The following GABRG3 variants were observed in gnomAD, a reference collection of about 807,000 sequenced individuals.
GABRG3 encodes gamma-aminobutyric acid receptor subunit gamma-3.
A neutral mutation model predicts 48.8 loss-of-function variants in GABRG3; 25 were observed. That is an observed-to-expected ratio of 0.51 (90% confidence interval 0.37 to 0.72). The LOEUF (loss-of-function observed/expected upper bound fraction) is 0.72. Ranked by LOEUF, GABRG3 falls within the 30% of genes least tolerant of loss-of-function variation. GABRG3 has a pLI of 0.00. For synonymous variants in GABRG3, 227 were observed against 217.6 expected (o/e 1.04, Z -0.38); for missense variants, 394 against 577.9 (o/e 0.68, Z 3.26).
intron 3 of GABRG3, among the ~76,000 whole-genome samples, chr15:27,212,392 G>C (rs564528526): frequency 2.2e-4 from 33 of 152,308 alleles, no homozygotes; most frequent in Non-Finnish European, 4.6e-4. Flanking sequence ...GATAGTTGAA[G>C]TCTTGGCTTT....
intron 6 of GABRG3, chr15:27,481,338 T>C: frequency 1.2e-6 from 1 of 826,718 alleles, no homozygotes. Flanking sequence ...TGCCTATGAA[T>C]ATATGTGAAT....
At chr15:27,338,958 C>G (rs1159301372) in intron 5 of GABRG3, among the ~76,000 whole-genome samples, 2 of 152,164 alleles carry the variant, frequency 1.3e-5, no homozygotes, top group African/African-American at 2.4e-5. Flanking sequence ...TCAAAATCTC[C>G]TTGTCTTCTG....
intron 5 of GABRG3, among the ~76,000 whole-genome samples, chr15:27,426,454 A>T (rs1173632185): frequency 1.3e-5 from 2 of 152,196 alleles, no homozygotes; most frequent in East Asian, 3.8e-4. Context: ...GACAACCTCT[A>T]ACTCAGCCAA....
intron 6 of GABRG3, among the ~76,000 whole-genome samples, chr15:27,492,223 T>G (rs531969520): frequency 1.3e-5 from 2 of 152,280 alleles, no homozygotes; most frequent in African/African-American, 4.8e-5. Flanking sequence ...CAGACTTGGC[T>G]TAGAATTCAT....
At chr15:27,468,344 C>T (rs992162803) in intron 5 of GABRG3, among the ~76,000 whole-genome samples, 1 of 152,042 alleles carries the variant, frequency 6.6e-6, no homozygotes, top group Non-Finnish European at 1.5e-5. Context: ...AACGTGGAGA[C>T]TTCTCAGAAC....
chr15:27,347,463 CT>C (rs1359295684), intron 5 of GABRG3, among the ~76,000 whole-genome samples: 1 of 152,138 alleles, frequency 6.6e-6, no homozygotes, highest in Non-Finnish European at 1.5e-5. Context: ...GCCCTAATCC[CT>C]GCTTACTATG....
chr15:27,189,215 T>G (rs1888209928), intron 3 of GABRG3, among the ~76,000 whole-genome samples: 1 of 151,574 alleles, frequency 6.6e-6, no homozygotes, highest in Admixed American at 6.6e-5. Flanking sequence ...ATGCGGGCTC[T>G]TTTTTGGTTC....
At chr15:27,247,280 G>A (rs1163419193) in intron 3 of GABRG3, among the ~76,000 whole-genome samples, 1 of 151,928 alleles carries the variant, frequency 6.6e-6, no homozygotes, top group Non-Finnish European at 1.5e-5. Context: ...TCTTCTCCTT[G>A]TGAGTCCTTG....
intron 1 of GABRG3, among the ~76,000 whole-genome samples, chr15:26,972,337 A>G (rs1199479821): frequency 6.6e-6 from 1 of 152,212 alleles, no homozygotes; most frequent in East Asian, 1.9e-4. Context: ...GAATCACTCT[A>G]GAAGAGATGA....
chr15:27,530,847 G>T, intron 9 of GABRG3: 1 of 369,274 alleles, frequency 2.7e-6, no homozygotes. Context: ...ATGAATGTCT[G>T]GCTGATCACT....
chr15:27,262,557 C>T (rs1187893150), intron 3 of GABRG3, among the ~76,000 whole-genome samples: 2 of 152,182 alleles, frequency 1.3e-5, no homozygotes, highest in East Asian at 3.9e-4. Flanking sequence ...CACACATTTC[C>T]GTCACATGTT....
chr15:27,331,052 A>G (rs1368110476), intron 5 of GABRG3, among the ~76,000 whole-genome samples: 3 of 152,204 alleles, frequency 2.0e-5, no homozygotes, highest in Non-Finnish European at 4.4e-5. Flanking sequence ...ACACAGTTAT[A>G]TACCTATTGG....
At chr15:27,393,046 A>T (rs1408084985) in intron 5 of GABRG3, among the ~76,000 whole-genome samples, 1 of 152,154 alleles carries the variant, frequency 6.6e-6, no homozygotes, top group Admixed American at 6.5e-5. Context: ...AGAGAACGGT[A>T]TTAGAAATCT....
chr15:26,994,924 T>G (rs1895312666), intron 2 of GABRG3, among the ~76,000 whole-genome samples: 1 of 152,054 alleles, frequency 6.6e-6, no homozygotes, highest in Admixed American at 6.5e-5. Context: ...AGAAAAATGT[T>G]TATTCTGCTG....
chr15:27,278,529 G>T (rs181162936), intron 3 of GABRG3, among the ~76,000 whole-genome samples: 12 of 152,234 alleles, frequency 7.9e-5, no homozygotes, highest in Admixed American at 7.2e-4. Context: ...CCAAGAGTGG[G>T]TTTTGAATTG....
At chr15:27,060,102 T>C (rs1896619969) in intron 3 of GABRG3, among the ~76,000 whole-genome samples, 1 of 152,252 alleles carries the variant, frequency 6.6e-6, no homozygotes, top group African/African-American at 2.4e-5. Context: ...TTTTGATTTA[T>C]GTGACAGTAA....
At chr15:27,144,811 G>T (rs1296645491) in intron 3 of GABRG3, among the ~76,000 whole-genome samples, 1 of 152,178 alleles carries the variant, frequency 6.6e-6, no homozygotes, top group East Asian at 1.9e-4. Flanking sequence ...AGAATTGAAG[G>T]TGTATTCCCA....
intron 3 of GABRG3, among the ~76,000 whole-genome samples, chr15:27,094,510 A>G (rs992684172): frequency 2.0e-5 from 3 of 152,148 alleles, no homozygotes; most frequent in Non-Finnish European, 4.4e-5. Flanking sequence ...GATGGGATTG[A>G]CCTTCCTGGA....
Position 27,369,806 on chromosome 15 carries a change from C to CAAAAAAAAAAA in GABRG3, c.574+40936_574+40946dup, listed in dbSNP as rs34901488. ...TGGGCGACAGAGTGAGACTCCGTCT[C>CAAAAAAAAAAA]AAAAAAAAAAAAAAAAAAAAAAAAA... On this transcript the variant is annotated intron_variant, in intron 5 of 9. Coordinates refer to ENST00000615808, the MANE Select transcript of GABRG3 (RefSeq NM_033223.5). Among the ~76,000 whole-genome samples, 177 of 30,272 alleles carry CAAAAAAAAAAA rather than the reference C, an allele frequency of 5.8e-3. 13 individuals carry two copies. The highest frequency in any genetic ancestry group is 0.015 in the African/African-American group (172 of 11,136). The allele number at this position is 30,272 out of a possible 152,430, so 19.9% of individuals were successfully genotyped here.
Sources: allele counts gnomAD v4.1 joint callset (sites outside exome capture counted in the v4.1 genomes callset), GRCh38; gene constraint gnomAD v4.1.1; transcripts MANE v1.5; gene names NCBI Gene and HGNC (gene_info 2026-07-23, HGNC 2026-07-21).